The following MAGI2 variants were observed in gnomAD, a reference collection of about 807,000 sequenced individuals.
The protein encoded by MAGI2 is membrane-associated guanylate kinase, WW and PDZ domain-containing protein 2.
Under a neutral mutation model 133.3 loss-of-function variants are expected in MAGI2, and 35 were observed. The ratio of observed to expected loss-of-function variants is 0.26; its 90% CI spans 0.20 to 0.35. The LOEUF (loss-of-function observed/expected upper bound fraction) is 0.35. Among genes scored for constraint, MAGI2 ranks in the 10% least tolerant of loss-of-function variants. MAGI2 has a pLI of 1.00. For synonymous variants in MAGI2, 729 were observed against 710.6 expected, an observed-to-expected ratio of 1.03 and a Z score of -0.41; for missense variants, 1,636 against 1,863.4, an observed-to-expected ratio of 0.88 and a Z score of 2.25.
chr7:78,181,602 G>C lies in MAGI2; in HGVS notation c.2312-3500C>G, dbSNP rs79550028. 6.2e-3 allele frequency among the ~76,000 whole-genome samples: 948 copies of C among 152,222 alleles called. 13 individuals are homozygous for C. The highest frequency in any genetic ancestry group is 0.022 in the African/African-American group (910 of 41,506). ...GCTAGTGTTGCTTCTTAGAAGTTGG[G>C]TCCTCGGATCCTCAGGCATTATGGA... On this transcript the variant is annotated intron_variant, in intron 13 of 21. Transcript: ENST00000354212.
chr7:78,926,953 A>C (rs1799744391), intron 2 of MAGI2, among the ~76,000 whole-genome samples: 1 of 151,982 alleles, frequency 6.6e-6, no homozygotes, highest in African/African-American at 2.4e-5. Context: ...TGTCTTCCCA[A>C]CTTCACTGTT....
chr7:78,778,202 TAG>T (rs1341658204), intron 2 of MAGI2, among the ~76,000 whole-genome samples: 4 of 152,132 alleles, frequency 2.6e-5, no homozygotes, highest in Admixed American at 1.3e-4. Flanking sequence ...ATGGGGCAAA[TAG>T]AGAGTCTCCT....
intron 2 of MAGI2, among the ~76,000 whole-genome samples, chr7:78,922,246 G>T (rs187330532): frequency 0.015 from 2,323 of 150,718 alleles, 31 homozygotes; most frequent in Admixed American, 0.025. Context: ...CAATGTGCAG[G>T]TTAGTTACAT....
chr7:78,613,419 G>A (rs535131955), intron 3 of MAGI2, among the ~76,000 whole-genome samples: 140 of 152,170 alleles, frequency 9.2e-4, no homozygotes, highest in African/African-American at 3.3e-3. Context: ...ATATTAATTT[G>A]TAAGAGCCAG....
At chr7:78,578,002 T>C (rs900563706) in intron 3 of MAGI2, among the ~76,000 whole-genome samples, 1 of 148,538 alleles carries the variant, frequency 6.7e-6, no homozygotes, top group African/African-American at 2.5e-5. Flanking sequence ...GGTTCATTAA[T>C]ATGAAAACCA....
At position 78,924,990 on chromosome 7, in the gene MAGI2, G is replaced by T. The variant is rs530269615; in HGVS notation, c.418+82100C>A. ...TCCTTCAAAAGTTAGATAGGGAAAG[G>T]TGCTTTATTTTGACATGTGATTTGG... On this transcript the variant is annotated intron_variant, in intron 2 of 21. Transcript: ENST00000354212. Among the ~76,000 whole-genome samples, 80 of 152,016 alleles carry T rather than the reference G, an allele frequency of 5.3e-4. 1 individual carries two copies. The highest frequency in any genetic ancestry group is 1.8e-4 in the Non-Finnish European group (12 of 67,964).
At chr7:78,770,130 T>C (rs574671186) in intron 2 of MAGI2, among the ~76,000 whole-genome samples, 2 of 152,182 alleles carry the variant, frequency 1.3e-5, no homozygotes, top group East Asian at 3.9e-4. Flanking sequence ...CACAGGAAAA[T>C]ACACATGCTG....
At chr7:79,001,766 G>A (rs1020319632) in intron 2 of MAGI2, among the ~76,000 whole-genome samples, 2 of 151,702 alleles carry the variant, frequency 1.3e-5, no homozygotes, top group African/African-American at 2.4e-5. Flanking sequence ...ATATATTTTC[G>A]AATCCATATT....
At chr7:78,985,836 C>T (rs1459421107) in intron 2 of MAGI2, among the ~76,000 whole-genome samples, 1 of 152,020 alleles carries the variant, frequency 6.6e-6, no homozygotes, top group African/African-American at 2.4e-5. Context: ...TGACAGCTTT[C>T]TGGATATGTA....
chr7:78,448,022 T>C (rs1788332998), intron 6 of MAGI2, among the ~76,000 whole-genome samples: 1 of 152,106 alleles, frequency 6.6e-6, no homozygotes, highest in Non-Finnish European at 1.5e-5. Context: ...ACACAGGTGA[T>C]TTGTCTTTTT....
At chr7:78,476,474 A>G (rs955865627) in intron 6 of MAGI2, among the ~76,000 whole-genome samples, 3 of 152,038 alleles carry the variant, frequency 2.0e-5, no homozygotes, top group Admixed American at 1.3e-4. Flanking sequence ...GGAAAATAAT[A>G]TAATCTCCAA....
At chr7:78,334,711 A>C (rs528361430) in intron 9 of MAGI2, among the ~76,000 whole-genome samples, 1 of 152,338 alleles carries the variant, frequency 6.6e-6, no homozygotes, top group Non-Finnish European at 1.5e-5. Flanking sequence ...GTCGTAGCCC[A>C]GGCATATCCA....
chr7:79,260,190 T>C (rs991757812), intron 1 of MAGI2, among the ~76,000 whole-genome samples: 1 of 151,946 alleles, frequency 6.6e-6, no homozygotes, highest in Admixed American at 6.6e-5. Context: ...CCTGTCTCTA[T>C]CAAAAATACA....
intron 1 of MAGI2, among the ~76,000 whole-genome samples, chr7:79,261,330 C>A (rs960491714): frequency 3.3e-5 from 5 of 152,182 alleles, no homozygotes; most frequent in Non-Finnish European, 7.3e-5. Flanking sequence ...CTTGGCATAC[C>A]CCTGTTTCAG....
At chr7:78,061,409 TACACAC>T (rs59531463) in intron 21 of MAGI2, among the ~76,000 whole-genome samples, 8,068 of 139,506 alleles carry the variant, frequency 0.058, 288 homozygotes, top group African/African-American at 0.1. Context: ...GGACTGGTTG[TACACAC>T]ACACACACAC....
intron 1 of MAGI2, among the ~76,000 whole-genome samples, chr7:79,071,499 C>A (rs1814964285): frequency 6.6e-6 from 1 of 152,176 alleles, no homozygotes; most frequent in African/African-American, 2.4e-5. Flanking sequence ...CTGCTACTCT[C>A]TTCAGAGCTG....
intron 3 of MAGI2, among the ~76,000 whole-genome samples, chr7:78,546,278 ACC>A (rs1798828019): frequency 6.6e-6 from 1 of 152,192 alleles, no homozygotes; most frequent in African/African-American, 2.4e-5. Context: ...TACTTCTAGT[ACC>A]TCTGCTACCA....
intron 1 of MAGI2, among the ~76,000 whole-genome samples, chr7:79,407,481 A>G (rs187420185): frequency 2.1e-4 from 32 of 152,262 alleles, no homozygotes; most frequent in African/African-American, 7.5e-4. Flanking sequence ...TCTGAAACAT[A>G]TAAGTTAGCA....
At chr7:79,058,474 G>A (rs1813377169) in intron 1 of MAGI2, among the ~76,000 whole-genome samples, 1 of 152,120 alleles carries the variant, frequency 6.6e-6, no homozygotes, top group Admixed American at 6.6e-5. Flanking sequence ...CCACAGTTGA[G>A]AAAGCATCAA....
Sources: gnomAD v4.1 joint callset for allele counts (sites outside exome capture counted in the v4.1 genomes callset) on GRCh38, gnomAD v4.1.1 for gene constraint, MANE v1.5 for transcripts, NCBI Gene and HGNC (gene_info 2026-07-23, HGNC 2026-07-21) for gene names.